The following SNX29 variants were observed in gnomAD, a reference collection of about 807,000 sequenced individuals.
SNX29 encodes the protein sorting nexin 29.
In SNX29, 78 loss-of-function variants were observed where a neutral mutation model predicts 102.1. That is an observed-to-expected ratio of 0.76 (90% CI 0.64 to 0.92). The LOEUF is 0.92. Ranked by LOEUF, SNX29 falls within the 40% of genes least tolerant of loss-of-function variation. SNX29 has a pLI of 0.00. For synonymous variants in SNX29, 580 were observed against 414.5 expected (o/e 1.40, Z -4.85); for missense variants, 1,280 against 1,061.7 (o/e 1.21, Z -2.86).
At chr16:12,247,025 C>A (rs968414046) in intron 14 of SNX29, among the ~76,000 whole-genome samples, 5 of 152,040 alleles carry the variant, frequency 3.3e-5, no homozygotes, top group African/African-American at 1.2e-4. Context: ...GGGAGCAGGG[C>A]CTTGTAGGTC....
chr16:12,141,902 T>C (rs774323976), intron 13 of SNX29, among the ~76,000 whole-genome samples: 4 of 152,210 alleles, frequency 2.6e-5, no homozygotes, highest in Non-Finnish European at 5.9e-5. Flanking sequence ...TGACTAGGAA[T>C]GCTTCACTTC....
At chr16:12,035,621 T>A (rs1331674593) in intron 4 of SNX29, among the ~76,000 whole-genome samples, 2 of 152,236 alleles carry the variant, frequency 1.3e-5, no homozygotes, top group Non-Finnish European at 2.9e-5. Context: ...GTTCTCAGGC[T>A]GGCACATGAG....
intron 20 of SNX29, among the ~76,000 whole-genome samples, chr16:12,536,859 G>T (rs4641731): frequency 6.6e-6 from 1 of 151,800 alleles, no homozygotes; most frequent in Non-Finnish European, 1.5e-5. Context: ...ACCTGTAATT[G>T]TAGCTACTTG....
At chr16:12,522,957 C>A (rs2090155709) in intron 19 of SNX29, among the ~76,000 whole-genome samples, 1 of 152,172 alleles carries the variant, frequency 6.6e-6, no homozygotes, top group Non-Finnish European at 1.5e-5. Context: ...ACTACAGGTG[C>A]ACACCACCGT....
intron 14 of SNX29, among the ~76,000 whole-genome samples, chr16:12,220,596 G>A (rs943320045): frequency 8.5e-5 from 13 of 152,296 alleles, no homozygotes; most frequent in Admixed American, 7.8e-4. Flanking sequence ...TCCCCTGCAT[G>A]TTGCGTTGTT....
Position 12,569,343 on chromosome 16 carries a change from A to T in SNX29, c.*714A>T, listed in dbSNP as rs1050806789. The T allele has an allele frequency of 4.3e-6, 1 of 230,074 alleles. No homozygotes were observed. Among genetic ancestry groups the T allele is most frequent in the East Asian group, 6.2e-5 (1 of 16,220 alleles). The allele number at this position is 230,074 out of a possible 1,614,324, so 14.3% of individuals were successfully genotyped here. On this transcript the variant is annotated 3_prime_UTR_variant, in exon 21 of 21. Transcript: ENST00000566228. ...TGCCCTCCATAGCCTGAGGCCACCT[A>T]GGCCCTCGCCAGGCTTGGAGTGGGG...
chr16:12,473,392 T>C lies in SNX29; in HGVS notation c.2038-4327T>C, dbSNP rs72773314. 9.6e-3 allele frequency among the ~76,000 whole-genome samples: 1,460 copies of C among 152,304 alleles called. 17 individuals carry two copies. The highest frequency in any genetic ancestry group is 0.016 in the Non-Finnish European group (1,074 of 68,028). ...GAATGTCTGACAGCAAGGAGACCTTTCTGAGAACACAGGATCTGCAAAGAG... is the reference window on the plus strand; with the variant it reads ...GAATGTCTGACAGCAAGGAGACCTTCCTGAGAACACAGGATCTGCAAAGAG... On this transcript the variant is annotated intron_variant, in intron 18 of 20. Transcript: ENST00000566228.
At chr16:12,553,524 G>C (rs777303926) in intron 20 of SNX29, among the ~76,000 whole-genome samples, 12 of 152,174 alleles carry the variant, frequency 7.9e-5, no homozygotes, top group African/African-American at 1.4e-4. Flanking sequence ...CAGTGCTGGA[G>C]GAGGGACCCC....
In SNX29 at chr16:12,170,867, C is replaced by T. The variant is rs374318798; in HGVS notation, c.1596-28734C>T. ...TGTATGAGGAGTGTCTGTGCGCGCGCGCGTGCTGTTTACAGGGCCTCCGAG... is the reference window on the plus strand; with the variant it reads ...TGTATGAGGAGTGTCTGTGCGCGCGTGCGTGCTGTTTACAGGGCCTCCGAG... On this transcript the variant is annotated intron_variant, in intron 13 of 20. Transcript: ENST00000566228. Among the ~76,000 whole-genome samples, 3 of 151,534 alleles carry T rather than the reference C, an allele frequency of 2.0e-5. No individual in the cohort carries two copies. The South Asian group carries it at 6.3e-4, about 32-fold the overall frequency.
chr16:12,313,815 C>A (rs1476065128), intron 15 of SNX29, among the ~76,000 whole-genome samples: 1 of 152,176 alleles, frequency 6.6e-6, no homozygotes, highest in Non-Finnish European at 1.5e-5. Context: ...TAGAGCCAAT[C>A]CAGTTGAATC....
chr16:12,441,453 A>C (rs1185580515), intron 18 of SNX29, among the ~76,000 whole-genome samples: 1 of 151,960 alleles, frequency 6.6e-6, no homozygotes, highest in African/African-American at 2.4e-5. Flanking sequence ...TTTCTTATCC[A>C]TTCATCTCCT....
At chr16:12,405,017 G>A (rs1567530099) in intron 18 of SNX29, among the ~76,000 whole-genome samples, 2 of 152,078 alleles carry the variant, frequency 1.3e-5, no homozygotes, top group Non-Finnish European at 2.9e-5. Flanking sequence ...TCCCAGCTCC[G>A]GTTTAAAGGG....
At chr16:12,323,866 G>A (rs1228763337) in intron 15 of SNX29, among the ~76,000 whole-genome samples, 1 of 152,184 alleles carries the variant, frequency 6.6e-6, no homozygotes, top group Non-Finnish European at 1.5e-5. Context: ...TGTATGACAT[G>A]CAGTTGTTAA....
intron 13 of SNX29, among the ~76,000 whole-genome samples, chr16:12,173,308 T>G (rs1379356104): frequency 6.6e-6 from 1 of 152,218 alleles, no homozygotes; most frequent in East Asian, 1.9e-4. Flanking sequence ...CCTGAGTGCT[T>G]TTCCCTACTG....
intron 15 of SNX29, among the ~76,000 whole-genome samples, chr16:12,280,084 C>T (rs2079384732): frequency 6.6e-6 from 1 of 152,072 alleles, no homozygotes; most frequent in Admixed American, 6.6e-5. Context: ...GGTGTTTGAC[C>T]CTCTGAGCCA....
At chr16:12,415,148 G>T (rs1020740135) in intron 18 of SNX29, among the ~76,000 whole-genome samples, 19 of 152,252 alleles carry the variant, frequency 1.2e-4, no homozygotes, top group Non-Finnish European at 2.9e-5. Flanking sequence ...ATTCCAGCTT[G>T]CTTGTGTGCC....
intron 20 of SNX29, among the ~76,000 whole-genome samples, chr16:12,564,375 TCAC>T (rs1019144704): frequency 1.3e-5 from 2 of 150,676 alleles, no homozygotes; most frequent in East Asian, 4.0e-4. Context: ...CTATTTCTAA[TCAC>T]CACCAACTGC....
intron 17 of SNX29, among the ~76,000 whole-genome samples, chr16:12,403,202 A>G (rs78741148): frequency 0.024 from 1,649 of 69,962 alleles, 47 homozygotes; most frequent in East Asian, 0.073. Flanking sequence ...TTGTGTGTGT[A>G]TGTGTGTGTG....
chr16:12,464,788 T>C (rs2086976400), intron 18 of SNX29, among the ~76,000 whole-genome samples: 1 of 152,208 alleles, frequency 6.6e-6, no homozygotes, highest in African/African-American at 2.4e-5. Context: ...AGAAGTAGGA[T>C]TGCTGGATTC....
Sources: gnomAD v4.1 joint callset for allele counts (sites outside exome capture counted in the v4.1 genomes callset) on GRCh38, gnomAD v4.1.1 for gene constraint, MANE v1.5 for transcripts, NCBI Gene and HGNC (gene_info 2026-07-23, HGNC 2026-07-21) for gene names.